RAD51B: variants seen among roughly 807,000 people sequenced by gnomAD.
RAD51B encodes the protein DNA repair protein RAD51 homolog 2.
RAD51B carries 38 observed loss-of-function variants against 42.2 expected under a neutral mutation model. The observed-to-expected ratio is 0.90, with a 90% CI of 0.70 to 1.18. RAD51B has a LOEUF of 1.18. RAD51B is among the 50% of genes most tolerant of loss of function. RAD51B has a pLI of 0.00. For missense variants in RAD51B, 373 were observed against 400.7 expected, an observed-to-expected ratio of 0.93 and a Z score of 0.59; for synonymous variants, 154 against 145.2, an observed-to-expected ratio of 1.06 and a Z score of -0.43.
rs1249758621 is a variant in RAD51B, at chr14:67,819,798, CG to C, written c.-57del. 6.6e-6 allele frequency: 1 copy of C among 152,130 alleles called. No individual in the cohort carries two copies. Among genetic ancestry groups the C allele is most frequent in the Non-Finnish European group, 1.5e-5 (1 of 68,054 alleles). The allele number at this position is 152,130 out of a possible 1,614,324, so 9.4% of individuals were successfully genotyped here. A position where few individuals can be genotyped will look rare whatever the true frequency, so the allele number is the denominator to read the frequency against. On this transcript the variant is annotated 5_prime_UTR_variant, in exon 1 of 11. Coordinates refer to ENST00000471583, the MANE Select transcript of RAD51B (RefSeq NM_133510.4). ...TCGGTTGTTGCTTTGCGGCGTTTTC[CG>C]CGGGGAAACTGTGTAAAGGGTGGGG...
chr14:68,083,503 G>A (rs898684869), intron 7 of RAD51B, among the ~76,000 whole-genome samples: 1 of 152,200 alleles, frequency 6.6e-6, no homozygotes, highest in Middle Eastern at 3.4e-3. Flanking sequence ...CCTAAATTTT[G>A]CGCTCGTTGT....
intron 9 of RAD51B, among the ~76,000 whole-genome samples, chr14:68,439,153 T>TACACACACACAC (rs10565900): frequency 8.4e-6 from 1 of 119,182 alleles, no homozygotes; most frequent in African/African-American, 3.3e-5. Flanking sequence ...TGTATTTTTG[T>TACACACACACAC]ACACACACAC....
At chr14:68,070,343 A>G (rs1313582171) in intron 7 of RAD51B, among the ~76,000 whole-genome samples, 1 of 152,102 alleles carries the variant, frequency 6.6e-6, no homozygotes, top group African/African-American at 2.4e-5. Context: ...TTTGTCTTGA[A>G]GTCTTTGCAT....
chr14:68,640,041 A>AT (rs1892424790), intron 10 of RAD51B, among the ~76,000 whole-genome samples: 1 of 152,110 alleles, frequency 6.6e-6, no homozygotes, highest in Non-Finnish European at 1.5e-5. Context: ...ACCTCAAGTG[A>AT]TCCACCCACC....
At chr14:68,148,158 C>T (rs992674563) in intron 7 of RAD51B, among the ~76,000 whole-genome samples, 21 of 152,114 alleles carry the variant, frequency 1.4e-4, no homozygotes, top group Non-Finnish European at 8.8e-5. Context: ...TGTATCAGTA[C>T]TTCATTACTT....
intron 7 of RAD51B, among the ~76,000 whole-genome samples, chr14:68,109,206 A>ACT (rs2140577562): frequency 6.6e-6 from 1 of 152,064 alleles, no homozygotes; most frequent in East Asian, 1.9e-4. Flanking sequence ...ATGACCACAC[A>ACT]CTTGAAGTGC....
At chr14:68,002,498 A>G (rs1044906310) in intron 7 of RAD51B, among the ~76,000 whole-genome samples, 1 of 152,090 alleles carries the variant, frequency 6.6e-6, no homozygotes, top group African/African-American at 2.4e-5. Context: ...AATCAGCTTG[A>G]TGATAGTTTC....
intron 7 of RAD51B, among the ~76,000 whole-genome samples, chr14:67,994,911 A>C (rs1238038874): frequency 6.6e-6 from 1 of 152,230 alleles, no homozygotes; most frequent in Non-Finnish European, 1.5e-5. Flanking sequence ...GTGGTGTATA[A>C]ATATAATTGA....
intron 10 of RAD51B, among the ~76,000 whole-genome samples, chr14:68,629,100 C>A (rs1566959399): frequency 6.6e-6 from 1 of 152,040 alleles, no homozygotes; most frequent in Non-Finnish European, 1.5e-5. Context: ...CACACGATGC[C>A]CAACTTCATT....
At chr14:68,502,446 C>G (rs739872) in intron 10 of RAD51B, among the ~76,000 whole-genome samples, 63,068 of 152,066 alleles carry the variant, frequency 0.41, 13,828 homozygotes, top group South Asian at 0.58. Flanking sequence ...CTTTGCAGGG[C>G]CCTGTGGGAA....
At chr14:68,357,980 T>C (rs1566830758) in intron 8 of RAD51B, among the ~76,000 whole-genome samples, 4 of 152,210 alleles carry the variant, frequency 2.6e-5, no homozygotes, top group Admixed American at 2.0e-4. Context: ...ATTTCAATGT[T>C]CTTGGCCTAA....
At chr14:68,544,676 A>T (rs1299937760) in intron 10 of RAD51B, among the ~76,000 whole-genome samples, 3 of 152,222 alleles carry the variant, frequency 2.0e-5, no homozygotes. Context: ...CCAGGTGACC[A>T]TGTGTGAAAT....
intron 7 of RAD51B, among the ~76,000 whole-genome samples, chr14:68,098,631 C>G (rs1424954260): frequency 6.6e-6 from 1 of 152,156 alleles, no homozygotes; most frequent in Non-Finnish European, 1.5e-5. Flanking sequence ...TATTCACTAC[C>G]ATGAGAACAG....
chr14:68,438,360 C>G (rs2085198103), intron 9 of RAD51B, among the ~76,000 whole-genome samples: 1 of 151,956 alleles, frequency 6.6e-6, no homozygotes, highest in Non-Finnish European at 1.5e-5. Context: ...GGGGGTTGTT[C>G]CTGAGGCAAA....
chr14:68,063,539 C>T (rs1037721826), intron 7 of RAD51B, among the ~76,000 whole-genome samples: 5 of 152,110 alleles, frequency 3.3e-5, no homozygotes, highest in Non-Finnish European at 7.4e-5. Context: ...AGATTGAGAC[C>T]ATCCTGGCCA....
chr14:67,926,363 T>C (rs750231348), intron 7 of RAD51B, among the ~76,000 whole-genome samples: 1 of 152,170 alleles, frequency 6.6e-6, no homozygotes, highest in Non-Finnish European at 1.5e-5. Flanking sequence ...GGCAAAATGC[T>C]GCCAGTCTGT....
intron 7 of RAD51B, among the ~76,000 whole-genome samples, chr14:68,210,329 A>T (rs2079680642): frequency 6.6e-6 from 1 of 152,206 alleles, no homozygotes; most frequent in South Asian, 2.1e-4. Flanking sequence ...ATTCAATGGG[A>T]TGACAATTTT....
rs1156621815 is a variant in RAD51B, at chr14:68,326,027, C to CTTTTTTTTTTT, written c.853+34052_853+34053insTTTTTTTTTTT. Among the ~76,000 whole-genome samples, 6 of 51,636 alleles carry CTTTTTTTTTTT rather than the reference C, an allele frequency of 1.2e-4. 1 individual carries two copies. Among genetic ancestry groups the CTTTTTTTTTTT allele is most frequent in the Non-Finnish European group, 2.6e-4 (6 of 23,512 alleles). 33.9% of individuals were successfully genotyped at this position (51,636 alleles called of 152,430 possible). A position where few individuals can be genotyped will look rare whatever the true frequency, so the allele number is the denominator to read the frequency against. On this transcript the variant is annotated intron_variant, in intron 8 of 10. Transcript: ENST00000471583. ...ATACTAATTGAATAATGTTGTTATT[C>CTTTTTTTTTTT]TTTTTCTTTTCTTTTTTTTTTTTTT...
intron 10 of RAD51B, among the ~76,000 whole-genome samples, chr14:68,561,700 T>C (rs1889157438): frequency 6.6e-6 from 1 of 152,218 alleles, no homozygotes; most frequent in African/African-American, 2.4e-5. Flanking sequence ...CAGAGCCTTC[T>C]GGACAGGCCA....
Sources: gnomAD v4.1 joint callset for allele counts (sites outside exome capture counted in the v4.1 genomes callset) on GRCh38, gnomAD v4.1.1 for gene constraint, MANE v1.5 for transcripts, NCBI Gene and HGNC (gene_info 2026-07-23, HGNC 2026-07-21) for gene names.